CIITA: variants seen among roughly 807,000 people sequenced by gnomAD.
CIITA encodes the protein class II major histocompatibility complex transactivator, also known as MHC class II transactivator.
A neutral mutation model predicts 115.1 loss-of-function variants in CIITA; 72 were observed. That is an observed-to-expected ratio of 0.63 (90% CI 0.52 to 0.76). The LOEUF (loss-of-function observed/expected upper bound fraction) is 0.76. Ranked by LOEUF, CIITA falls within the 30% of genes least tolerant of loss-of-function variation. The pLI, the probability that CIITA is intolerant of heterozygous loss-of-function variation, is 0.00. For missense variants in CIITA, 1,617 were observed against 1,463.8 expected (o/e 1.10, Z -1.71); for synonymous variants, 763 against 635.6 (o/e 1.20, Z -3.02).
chr16:10,874,601 C>T (rs988764528), upstream of CIITA, among the ~76,000 whole-genome samples: 7 of 152,226 alleles, frequency 4.6e-5, no homozygotes, highest in African/African-American at 9.7e-5. Context: ...ATGTCACTTG[C>T]TCTGCTCAGA....
chr16:10,867,433 GGAGA>G (rs1336571678), intron 1 of CIITA, among the ~76,000 whole-genome samples: 3 of 151,462 alleles, frequency 2.0e-5, no homozygotes, highest in African/African-American at 4.9e-5. Context: ...AGAAAGGAAG[GGAGA>G]GAAAGACAGA....
At chr16:10,887,035 G>C (rs1029081708) in intron 1 of CIITA, among the ~76,000 whole-genome samples, 6 of 152,224 alleles carry the variant, frequency 3.9e-5, no homozygotes, top group Non-Finnish European at 8.8e-5. Context: ...TACAGCTTTA[G>C]AGGGGAAAAG....
rs1300615795 is a variant in CIITA at position 10,907,999 on chromosome 16, T to C, written c.2507T>C (p.Leu836Pro). ...VQELPGRLSFLGTRLTPPDAH... is the reference protein window; with the variant it reads ...VQELPGRLSFPGTRLTPPDAH... ...GAGCTCCCCGGCCGCCTCTCTTTTC[T>C]GGGCACCCGCCTCACGCCTCCTGAT... The change falls in exon 11 of 20, where the codon CTG becomes CCG. Residue 836 changes from leucine (L) to proline (P), a missense_variant. Leu to Pro is a moderately conservative substitution (Grantham distance 98). Transcript: ENST00000324288. This position sits in a 1 kb window ranked among gnomAD's most constrained non-coding sequence, Gnocchi z 5.0. 3.1e-6 allele frequency: 5 copies of C among 1,594,486 alleles called. No individual in the cohort carries two copies. The highest frequency in any genetic ancestry group is 4.3e-6 in the Non-Finnish European group (5 of 1,168,298).
Position 10,907,928 on chromosome 16 carries a change from C to T in CIITA, c.2436C>T (p.Cys812=), listed in dbSNP as rs771994666. Residue 812 remains cysteine, a synonymous_variant, in exon 11 of 20, where the codon TGC becomes TGT. Transcript: ENST00000324288. The surrounding 1 kb of genome is among the most constrained non-coding windows in gnomAD (Gnocchi z 5.0). ...GGCAGCTGCTGGAGCTGCTGCACTG[C>T]GCCCACGAGGCCGAGGAGGCTGGAA... ...RARQLLELLH[C]AHEAEEAGIW... is the part of the protein sequence containing the mutation. 68 of 1,565,594 alleles carry T rather than the reference C, an allele frequency of 4.3e-5. No individual in the cohort carries two copies. In the South Asian group the frequency reaches 4.6e-4, roughly 11 times the overall value.
At position 10,895,760 on chromosome 16, in the gene CIITA, T is replaced by C. The variant is rs763945425; in HGVS notation, c.291T>C (p.Asn97=). The C allele has an allele frequency of 6.2e-7, 1 of 1,614,046 alleles. No individual in the cohort carries two copies. The highest frequency in any genetic ancestry group is 8.5e-7 in the Non-Finnish European group (1 of 1,179,954). ...GDEETREAYA[N]IAELDQYVFQ... ...AAGAGACCAGGGAGGCTTATGCCAA[T>C]ATCGGTGAGGAAGCACCTGAGCCCA... Residue 97 remains asparagine (N), a synonymous_variant, in exon 3 of 20, where the codon AAT becomes AAC. Coordinates refer to ENST00000324288, the MANE Select transcript of CIITA (RefSeq NM_000246.4).
In CIITA at chr16:10,906,578, G is replaced by A; in HGVS notation, c.1086G>A (p.Glu362=). Residue 362 remains glutamate, a synonymous_variant, in exon 11 of 20, where the codon GAG becomes GAA. Coordinates refer to ENST00000324288, the MANE Select transcript of CIITA (RefSeq NM_000246.4). ...CAGGCCCGGATGGCATCCTAGTGGA[G>A]GTGGATCTGGTGCAGGCCAGGCTGG... is the stretch of plus-strand genomic sequence containing the variant. ...EPAGPDGILV[E]VDLVQARLER... is the part of the protein sequence containing the mutation. 1 of 1,613,580 alleles carries A rather than the reference G, an allele frequency of 6.2e-7. No individual in the cohort carries two copies. Among genetic ancestry groups the A allele is most frequent in the Non-Finnish European group, 8.5e-7 (1 of 1,180,022 alleles).
chr16:10,934,414 T>C lies in CIITA; in HGVS notation c.*10559T>C, dbSNP rs1003472856. The C allele has an allele frequency of 2.0e-5, 3 of 152,210 alleles. No individual in the cohort carries two copies. Among genetic ancestry groups the C allele is most frequent in the Admixed American group, 6.5e-5 (1 of 15,278 alleles). The allele number at this position is 152,210 out of a possible 1,614,324, so 9.4% of individuals were successfully genotyped here. ...TACCCTTGGCCTGTATAACTGAGCC[T>C]TGTGCCAGTTAAAAGGGCAAAGCAG... On this transcript the variant is annotated 3_prime_UTR_variant, in exon 20 of 20. Coordinates refer to ENST00000324288, the MANE Select transcript of CIITA (RefSeq NM_000246.4). This position sits in a 1 kb window ranked among gnomAD's most constrained non-coding sequence, Gnocchi z 4.2.
rs549511800 is a variant in CIITA at position 10,935,383 on chromosome 16, A to G, written c.*11528A>G. 2.0e-5 allele frequency: 3 copies of G among 152,260 alleles called. No individual in the cohort carries two copies. The highest frequency in any genetic ancestry group is 4.8e-5 in the African/African-American group (2 of 41,472). 9.4% of individuals were successfully genotyped at this position (152,260 alleles called of 1,614,324 possible). Reference sequence around the variant, plus strand: ...CGACAGTTGTTAATCTCTTTTTAACAAAGAATACAGGCCAAGGCCCTGTGA... The same window carrying G: ...CGACAGTTGTTAATCTCTTTTTAACGAAGAATACAGGCCAAGGCCCTGTGA... On this transcript the variant is annotated 3_prime_UTR_variant, in exon 20 of 20. Transcript: ENST00000324288.
At chr16:10,911,245 TTCTTTCTC>T (rs1360499426) in intron 13 of CIITA, among the ~76,000 whole-genome samples, 1 of 151,558 alleles carries the variant, frequency 6.6e-6, no homozygotes, top group African/African-American at 2.4e-5. Context: ...TCTTCTTTCT[TTCTTTCTC>T]TCTTTCTTTC....
rs774567918 is a variant in CIITA, at chr16:10,906,868, C to T, written c.1376C>T (p.Pro459Leu). The T allele has an allele frequency of 1.1e-5, 18 of 1,613,382 alleles. No individual in the cohort carries two copies. Among genetic ancestry groups the T allele is most frequent in the South Asian group, 4.4e-5 (4 of 91,090 alleles). ...GTCCCCTGCCATTGCTTGAACCGTC[C>T]GGGGGATGCCTATGGCCTGCAGGAT... Reference protein sequence around the residue: ...FSVPCHCLNRPGDAYGLQDLL... With the variant: ...FSVPCHCLNRLGDAYGLQDLL... Residue 459 changes from proline (P) to leucine (L), a missense_variant, in exon 11 of 20, where the codon CCG becomes CTG. Transcript: ENST00000324288.
chr16:10,928,611 A>C lies in CIITA; in HGVS notation c.*4756A>C, dbSNP rs1355034815. The stretch of plus-strand genomic sequence containing the variant: ...AAGCCCTTCCCCCCTATCTTTAATG[A>C]AGGTCTACCATGTGCCTGACACAGG... On this transcript the variant is annotated 3_prime_UTR_variant, in exon 20 of 20. Transcript: ENST00000324288. 3 of 152,268 alleles carry C rather than the reference A, an allele frequency of 2.0e-5. No homozygotes were observed. Among genetic ancestry groups the C allele is most frequent in the Non-Finnish European group, 4.4e-5 (3 of 68,098 alleles). The allele number at this position is 152,268 out of a possible 1,614,324, so 9.4% of individuals were successfully genotyped here.
chr16:10,923,569 A>G lies in CIITA; in HGVS notation c.*22+244A>G, dbSNP rs1210199146. 6.6e-6 allele frequency among the ~76,000 whole-genome samples: 1 copy of G among 152,106 alleles called. No individual in the cohort carries two copies. The highest frequency in any genetic ancestry group is 1.5e-5 in the Non-Finnish European group (1 of 68,004). On this transcript the variant is annotated intron_variant, in intron 19 of 19. Transcript: ENST00000324288. This position sits in a 1 kb window ranked among gnomAD's most constrained non-coding sequence, Gnocchi z 5.2. ...CAGGGGACAGGAAAGTTGGCCATCC[A>G]CATCCCACAGCCTCAGTGCTTGGAA...
At chr16:10,912,454 A>G (rs1475930139) in intron 13 of CIITA, among the ~76,000 whole-genome samples, 2 of 152,146 alleles carry the variant, frequency 1.3e-5, no homozygotes, top group Non-Finnish European at 2.9e-5. Flanking sequence ...ATTAATCTCA[A>G]GAGCTACTGT....
At position 10,935,603 on chromosome 16, in the gene CIITA, A is replaced by G. The variant is rs991773363; in HGVS notation, c.*11748A>G. ...TTAAACTGCAAATTATAAAGGGAATAATAGTAACTTGACAGTGGAGAGACC... is the reference window on the plus strand; with the variant it reads ...TTAAACTGCAAATTATAAAGGGAATGATAGTAACTTGACAGTGGAGAGACC... On this transcript the variant is annotated 3_prime_UTR_variant, in exon 20 of 20. Coordinates refer to ENST00000324288, the MANE Select transcript of CIITA (RefSeq NM_000246.4). The G allele has an allele frequency of 6.6e-6, 1 of 152,262 alleles. No individual in the cohort carries two copies. The highest frequency in any genetic ancestry group is 2.4e-5 in the African/African-American group (1 of 41,472). The allele number at this position is 152,262 out of a possible 1,614,324, so 9.4% of individuals were successfully genotyped here. A position where few individuals can be genotyped will look rare whatever the true frequency, so the allele number is the denominator to read the frequency against.
chr16:10,907,721 G>C lies in CIITA; in HGVS notation c.2229G>C (p.Lys743Asn). Residue 743 changes from lysine to asparagine, a missense_variant, in exon 11 of 20, where the codon AAG becomes AAC. By Grantham distance (94) the Lys-to-Asn change is moderately conservative (BLOSUM62 0). Transcript: ENST00000324288. The surrounding 1 kb of genome is among the most constrained non-coding windows in gnomAD (Gnocchi z 5.0). ...AGTACCTAGCATTGACCCCAAGGAA[G>C]AAGAGGCCCTATGACAACTGGCTGG... Reference protein sequence around the residue: ...LPQYLALTPRKKRPYDNWLEG... With the variant: ...LPQYLALTPRNKRPYDNWLEG... 5 of 1,614,264 alleles carry C rather than the reference G, an allele frequency of 3.1e-6. No individual in the cohort carries two copies. The highest frequency in any genetic ancestry group is 4.2e-6 in the Non-Finnish European group (5 of 1,180,052).
chr16:10,874,066 C>T (rs1372145871), upstream of CIITA, among the ~76,000 whole-genome samples: 5 of 150,796 alleles, frequency 3.3e-5, no homozygotes, highest in Non-Finnish European at 7.4e-5. Flanking sequence ...CTTGCAACCT[C>T]CACCTCCCCC....
rs1045070644 is a variant in CIITA, at chr16:10,922,391, G to A, written c.3234-16G>A. ...AGTCCCAAGGGCCAGGCCCCAAGGT[G>A]AGTTTCTCTTGCCAGCGTCCAGTAC... is the stretch of plus-strand genomic sequence containing the variant. On this transcript the variant is annotated splice_polypyrimidine_tract_variant and intron_variant, in intron 17 of 19. Transcript: ENST00000324288. The A allele has an allele frequency of 7.4e-6, 12 of 1,614,094 alleles. No individual in the cohort carries two copies. Among genetic ancestry groups the A allele is most frequent in the African/African-American group, 2.7e-5 (2 of 74,926 alleles).
At chr16:10,874,832 T>C (rs2143342750), upstream of CIITA, among the ~76,000 whole-genome samples, 1 of 152,148 alleles carries the variant, frequency 6.6e-6, no homozygotes, top group East Asian at 1.9e-4. Context: ...GAGGGTGGGA[T>C]GGGGGGACAT....
chr16:10,907,826 G>T lies in CIITA; in HGVS notation c.2334G>T (p.Ala778=). Residue 778 remains alanine, a synonymous_variant, in exon 11 of 20, where the codon GCG becomes GCT. Transcript: ENST00000324288. This position sits in a 1 kb window ranked among gnomAD's most constrained non-coding sequence, Gnocchi z 5.0. The stretch of plus-strand genomic sequence containing the variant: ...TGGGAGCCCTACTCGGGCCATCGGC[G>T]GCTGCCTCGGTGGACAGGAAGCAGA... ...RCLGALLGPS[A]AASVDRKQKV... 6.2e-7 allele frequency: 1 copy of T among 1,613,832 alleles called. No individual in the cohort carries two copies. The highest frequency in any genetic ancestry group is 2.2e-5 in the East Asian group (1 of 44,870).
Sources: allele counts gnomAD v4.1 joint callset (sites outside exome capture counted in the v4.1 genomes callset), GRCh38; gene constraint gnomAD v4.1.1; non-coding constraint Gnocchi (gnomAD v3.1); transcripts MANE v1.5; gene names NCBI Gene and HGNC (gene_info 2026-07-23, HGNC 2026-07-21).